RADIL: variants seen among roughly 807,000 people sequenced by gnomAD.
The protein encoded by RADIL is ras-associating and dilute domain-containing protein.
Under a neutral mutation model 97.6 loss-of-function variants are expected in RADIL, and 99 were observed. The ratio of observed to expected loss-of-function variants is 1.01; its 90% CI spans 0.86 to 1.20. The LOEUF is 1.20. RADIL is among the 50% of genes most tolerant of loss of function. The pLI is 0.00. For synonymous variants in RADIL, 803 were observed against 691.8 expected, an observed-to-expected ratio of 1.16 and a Z score of -2.52; for missense variants, 1,765 against 1,498.9, an observed-to-expected ratio of 1.18 and a Z score of -2.93.
rs1164654933 is a variant in RADIL, at chr7:4,824,553, G to A, written c.1455-1999C>T. Among the ~76,000 whole-genome samples the A allele has an allele frequency of 6.6e-6, 1 of 151,598 alleles. No homozygotes were observed. Among genetic ancestry groups the A allele is most frequent in the Non-Finnish European group, 1.5e-5 (1 of 67,992 alleles). On this transcript the variant is annotated intron_variant, in intron 5 of 14. Transcript: ENST00000399583. The surrounding 1 kb of genome is among the most constrained non-coding windows in gnomAD (Gnocchi z 6.7). ...TCCCAGATTCTCCCCGGTACCCAAA[G>A]TGTTGCCTGCTCTCTCTGACGTCAC...
chr7:4,810,827 T>C (rs1782522875), intron 9 of RADIL, among the ~76,000 whole-genome samples: 1 of 152,176 alleles, frequency 6.6e-6, no homozygotes, highest in Non-Finnish European at 1.5e-5. Flanking sequence ...CATTCTCATG[T>C]GTTCGGTGTT....
chr7:4,857,505 T>C (rs1466963576), intron 2 of RADIL, among the ~76,000 whole-genome samples: 2 of 152,222 alleles, frequency 1.3e-5, no homozygotes, highest in Non-Finnish European at 2.9e-5. Context: ...TTTTGTATGC[T>C]TTCCCCCTTT....
rs543569313 is a variant in RADIL at position 4,819,877 on chromosome 7, C to T, written c.1615+2517G>A. Among the ~76,000 whole-genome samples the T allele has an allele frequency of 1.1e-3, 160 of 152,302 alleles. 1 individual carries two copies. The highest frequency in any genetic ancestry group is 1.2e-3 in the Non-Finnish European group (81 of 68,012). ...TCGCCGGGCCAAACACTGCTCAGGC[C>T]CCTGACCAAAAATAACTTCCTCCCA... On this transcript the variant is annotated intron_variant, in intron 6 of 14. Coordinates refer to ENST00000399583, the MANE Select transcript of RADIL (RefSeq NM_018059.5). This position sits in a 1 kb window ranked among gnomAD's most constrained non-coding sequence, Gnocchi z 5.8.
intron 2 of RADIL, chr7:4,861,562 G>A (rs1783998119): frequency 1.2e-6 from 2 of 1,613,950 alleles, no homozygotes; most frequent in Non-Finnish European, 1.7e-6. Context: ...GAAGACTCTT[G>A]CTTTCACTGA....
At position 4,849,624 on chromosome 7, in the gene RADIL, C is replaced by G. The variant is rs1275600664; in HGVS notation, c.536-13019G>C. 6.6e-6 allele frequency among the ~76,000 whole-genome samples: 1 copy of G among 152,158 alleles called. No individual in the cohort carries two copies. The highest frequency in any genetic ancestry group is 1.5e-5 in the Non-Finnish European group (1 of 68,038). ...TGCAACAAACCTGCAGACCGAATGGCAGGTGGCTTGGAAGAATGTACTAGA... is the reference window on the plus strand; with the variant it reads ...TGCAACAAACCTGCAGACCGAATGGGAGGTGGCTTGGAAGAATGTACTAGA... On this transcript the variant is annotated intron_variant, in intron 2 of 14. Transcript: ENST00000399583. This position sits in a 1 kb window ranked among gnomAD's most constrained non-coding sequence, Gnocchi z 5.4.
At chr7:4,816,686 G>A (rs1285340524) in intron 7 of RADIL, among the ~76,000 whole-genome samples, 3 of 152,102 alleles carry the variant, frequency 2.0e-5, no homozygotes, top group African/African-American at 7.2e-5. Context: ...TGGGGTGCAG[G>A]GGGCTCAGGG....
At position 4,883,071 on chromosome 7, in the gene RADIL, A is replaced by T. The variant is rs1434625147; in HGVS notation, c.-65+525T>A. Among the ~76,000 whole-genome samples the T allele has an allele frequency of 6.6e-6, 1 of 152,194 alleles. No homozygotes were observed. The highest frequency in any genetic ancestry group is 2.4e-5 in the African/African-American group (1 of 41,462). On this transcript the variant is annotated intron_variant, in intron 1 of 14. Transcript: ENST00000399583. This position sits in a 1 kb window ranked among gnomAD's most constrained non-coding sequence, Gnocchi z 7.1. ...TAAATAGCCGGGAAACAATGCTTTG[A>T]GCTGGCGCACGAGTGGGGATCGGGC...
chr7:4,856,508 C>G (rs1478409609), intron 2 of RADIL, among the ~76,000 whole-genome samples: 2 of 152,194 alleles, frequency 1.3e-5, no homozygotes, highest in Non-Finnish European at 2.9e-5. Context: ...CTTCTCCCAG[C>G]TTAGGGCCTG....
chr7:4,860,862 T>C (rs1783971791), intron 2 of RADIL: 1 of 1,614,196 alleles, frequency 6.2e-7, no homozygotes, highest in Non-Finnish European at 8.5e-7. Context: ...GCTGGTGTGA[T>C]GATAGGCATA....
At chr7:4,839,340 G>A (rs753495068) in intron 2 of RADIL, among the ~76,000 whole-genome samples, 26 of 152,124 alleles carry the variant, frequency 1.7e-4, no homozygotes, top group Non-Finnish European at 2.8e-4. Flanking sequence ...GGCTGGGGTC[G>A]GAGAGTGTGC....
At chr7:4,808,040 C>T (rs1187335800) in intron 9 of RADIL, among the ~76,000 whole-genome samples, 1 of 121,934 alleles carries the variant, frequency 8.2e-6, no homozygotes, top group African/African-American at 3.2e-5. Context: ...TTCTCCGCTC[C>T]TTCCTCCCTC....
chr7:4,856,056 G>A (rs568944929), intron 2 of RADIL, among the ~76,000 whole-genome samples: 5 of 151,498 alleles, frequency 3.3e-5, no homozygotes, highest in Admixed American at 6.6e-5. Flanking sequence ...TGATCCGCTC[G>A]CCTCGGCCTC....
rs1030925481 is a variant in RADIL, at chr7:4,813,499, G to A, written c.2139+1779C>T. 6.6e-6 allele frequency among the ~76,000 whole-genome samples: 1 copy of A among 152,212 alleles called. No individual in the cohort carries two copies. Among genetic ancestry groups the A allele is most frequent in the Admixed American group, 6.6e-5 (1 of 15,266 alleles). On this transcript the variant is annotated intron_variant, in intron 9 of 14. Transcript: ENST00000399583. This position sits in a 1 kb window ranked among gnomAD's most constrained non-coding sequence, Gnocchi z 5.0. ...CGGCCATGCAATTCAGGCCCCTGAA[G>A]TCTCTGAGCTTGCCTCCCTCCTGTG...
rs1452520666 is a variant in RADIL, at chr7:4,867,461, C to G, written c.535+10144G>C. Reference sequence around the variant, plus strand: ...GAATCAGTCAAAAGCAATGAGCTGACTAGAGCACCATGGGTAGGTGTCAAA... The same window carrying G: ...GAATCAGTCAAAAGCAATGAGCTGAGTAGAGCACCATGGGTAGGTGTCAAA... On this transcript the variant is annotated intron_variant, in intron 2 of 14. Coordinates refer to ENST00000399583, the MANE Select transcript of RADIL (RefSeq NM_018059.5). This position sits in a 1 kb window ranked among gnomAD's most constrained non-coding sequence, Gnocchi z 4.1. Among the ~76,000 whole-genome samples the G allele has an allele frequency of 1.3e-5, 2 of 152,114 alleles. No homozygotes were observed. Among genetic ancestry groups the G allele is most frequent in the African/African-American group, 2.4e-5 (1 of 41,420 alleles).
rs1006574752 is a variant in RADIL, at chr7:4,809,171, G to A, written c.2140-3455C>T. 5.5e-4 allele frequency: 544 copies of A among 985,106 alleles called. 1 individual carries two copies. Among genetic ancestry groups the A allele is most frequent in the Non-Finnish European group, 6.3e-4 (521 of 829,888 alleles). 61.0% of individuals were successfully genotyped at this position (985,106 alleles called of 1,614,324 possible). On this transcript the variant is annotated intron_variant, in intron 9 of 14. Transcript: ENST00000399583. ...GCCCGGCCGCTTCTGGAAGACCCCT[G>A]GCGCTGTCCCCCGCCTCCCCGGGCT...
At position 4,803,246 on chromosome 7, in the gene RADIL, A is replaced by G. The variant is rs867409282; in HGVS notation, c.2499+300T>C. Among the ~76,000 whole-genome samples, 231 of 42,930 alleles carry G rather than the reference A, an allele frequency of 5.4e-3. 1 individual carries two copies. The highest frequency in any genetic ancestry group is 6.3e-3 in the Admixed American group (24 of 3,802). The allele number at this position is 42,930 out of a possible 152,430, so 28.2% of individuals were successfully genotyped here. On this transcript the variant is annotated intron_variant, in intron 11 of 14. Coordinates refer to ENST00000399583, the MANE Select transcript of RADIL (RefSeq NM_018059.5). ...GCTGGGCCCCCTCCCCGGGCACCTC[A>G]GGGCACGCTGGCTGGGGGGCCCCCT...
chr7:4,855,990 C>T (rs929257834), intron 2 of RADIL, among the ~76,000 whole-genome samples: 1 of 151,914 alleles, frequency 6.6e-6, no homozygotes, highest in Non-Finnish European at 1.5e-5. Flanking sequence ...GAGAAAAATA[C>T]AAAAGGTGGA....
rs776110587 is a variant in RADIL at position 4,815,267 on chromosome 7, C to T, written c.2139+11G>A. The T allele has an allele frequency of 6.0e-5, 92 of 1,537,160 alleles. No homozygotes were observed. The highest frequency in any genetic ancestry group is 7.2e-5 in the Non-Finnish European group (82 of 1,138,778). ...CTCCCCACACTCGCCGCCTCCCATG[C>T]GCACCCCTACCTGGATGAGCTGGGC... is the stretch of plus-strand genomic sequence containing the variant. On this transcript the variant is annotated intron_variant, in intron 9 of 14. Transcript: ENST00000399583. This position sits in a 1 kb window ranked among gnomAD's most constrained non-coding sequence, Gnocchi z 8.0.
In RADIL at chr7:4,822,290, A is replaced by G; in HGVS notation, c.1615+104T>C. 2 of 1,343,924 alleles carry G rather than the reference A, an allele frequency of 1.5e-6. No homozygotes were observed. The highest frequency in any genetic ancestry group is 2.0e-6 in the Non-Finnish European group (2 of 1,004,442). The allele number at this position is 1,343,924 out of a possible 1,614,324, so 83.2% of individuals were successfully genotyped here. A position where few individuals can be genotyped will look rare whatever the true frequency, so the allele number is the denominator to read the frequency against. ...CTGAGGAAGCCCCCGGCATGAATCC[A>G]CCCCTGCTATCATGGCCAACTAGGT... On this transcript the variant is annotated intron_variant, in intron 6 of 14. Coordinates refer to ENST00000399583, the MANE Select transcript of RADIL (RefSeq NM_018059.5). The surrounding 1 kb of genome is among the most constrained non-coding windows in gnomAD (Gnocchi z 5.3).
Sources: gnomAD v4.1 joint callset for allele counts (sites outside exome capture counted in the v4.1 genomes callset) on GRCh38, gnomAD v4.1.1 for gene constraint, Gnocchi (gnomAD v3.1) non-coding constraint, MANE v1.5 for transcripts, NCBI Gene and HGNC (gene_info 2026-07-23, HGNC 2026-07-21) for gene names.